TEC: variants seen among roughly 807,000 people sequenced by gnomAD.
TEC encodes the protein tec protein tyrosine kinase, also known as tyrosine-protein kinase Tec.
A neutral mutation model predicts 93.0 loss-of-function variants in TEC; 72 were observed. The observed-to-expected ratio is 0.77, with a 90% CI of 0.64 to 0.94. The LOEUF is 0.94. Among genes scored for constraint, TEC ranks in the 40% least tolerant of loss-of-function variants. The pLI is 0.00. For synonymous variants in TEC, 249 were observed against 247.7 expected (o/e 1.01, Z -0.05); for missense variants, 630 against 757.9 (o/e 0.83, Z 1.98).
At chr4:48,259,315 A>C (rs1447914203) in intron 1 of TEC, among the ~76,000 whole-genome samples, 2 of 152,188 alleles carry the variant, frequency 1.3e-5, no homozygotes, top group African/African-American at 4.8e-5. Context: ...AACCCCTGTG[A>C]CTCATGTTTG....
intron 1 of TEC, among the ~76,000 whole-genome samples, chr4:48,236,019 T>G (rs1251016485): frequency 6.6e-6 from 1 of 152,178 alleles, no homozygotes; most frequent in East Asian, 1.9e-4. Context: ...AAAAGTTTAA[T>G]GAGGTGTCAC....
In TEC at chr4:48,150,995, G is replaced by A. The variant is rs139802691; in HGVS notation, c.793-53C>T. ...TTTTACTCTAATTACTAATAGCATT[G>A]CCATGGAGAAGACTAAAGAACCTAA... On this transcript the variant is annotated intron_variant, in intron 9 of 17. Transcript: ENST00000381501. 5,658 of 1,141,896 alleles carry A rather than the reference G, an allele frequency of 5.0e-3. 31 individuals carry two copies. Among genetic ancestry groups the A allele is most frequent in the Non-Finnish European group, 5.1e-3 (4,039 of 788,744 alleles). The allele number at this position is 1,141,896 out of a possible 1,614,324, so 70.7% of individuals were successfully genotyped here.
intron 1 of TEC, among the ~76,000 whole-genome samples, chr4:48,262,976 C>T (rs1312742258): frequency 6.6e-6 from 1 of 152,208 alleles, no homozygotes; most frequent in African/African-American, 2.4e-5. Context: ...TTTGTGGAAA[C>T]TGACTCTTGT....
intron 15 of TEC, 143 bp from the exon 16 acceptor site, chr4:48,139,165 C>T (rs1335908742): frequency 1.5e-6 from 1 of 682,436 alleles, no homozygotes; most frequent in Middle Eastern, 4.1e-4. Flanking sequence ...ATGTTCACCT[C>T]AGTGGCCACA....
chr4:48,227,756 C>T (rs1004362879), intron 2 of TEC, among the ~76,000 whole-genome samples: 55 of 151,886 alleles, frequency 3.6e-4, no homozygotes, highest in African/African-American at 1.3e-3. Flanking sequence ...TCCTGGAAAC[C>T]AAGGATATTT....
intron 2 of TEC, among the ~76,000 whole-genome samples, chr4:48,195,385 A>G (rs1032897919): frequency 6.6e-5 from 10 of 152,352 alleles, no homozygotes; most frequent in Non-Finnish European, 1.3e-4. Context: ...AGAGCCCATC[A>G]TAAACCAGTA....
chr4:48,221,032 C>T (rs1315716215), intron 2 of TEC, among the ~76,000 whole-genome samples: 1 of 152,200 alleles, frequency 6.6e-6, no homozygotes, highest in East Asian at 1.9e-4. Context: ...CAAGAATTTG[C>T]TGGAACAGCT....
At chr4:48,225,867 G>A (rs745841693) in intron 2 of TEC, among the ~76,000 whole-genome samples, 121 of 152,160 alleles carry the variant, frequency 8.0e-4, no homozygotes, top group Non-Finnish European at 1.5e-3. Flanking sequence ...GCTCATCAGA[G>A]GAGTGGGGGT....
At chr4:48,231,169 T>C (rs1306502258) in intron 1 of TEC, among the ~76,000 whole-genome samples, 5 of 152,172 alleles carry the variant, frequency 3.3e-5, no homozygotes, top group African/African-American at 1.2e-4. Context: ...AGAGCCACTA[T>C]CTTAAAGGAA....
At chr4:48,197,292 C>A (rs1193131346) in intron 2 of TEC, among the ~76,000 whole-genome samples, 1 of 152,144 alleles carries the variant, frequency 6.6e-6, no homozygotes, top group African/African-American at 2.4e-5. Flanking sequence ...CACTCTGCAA[C>A]CTTGGGCAAA....
chr4:48,246,791 G>A (rs533186044), intron 1 of TEC, among the ~76,000 whole-genome samples: 1 of 152,258 alleles, frequency 6.6e-6, no homozygotes, highest in East Asian at 1.9e-4. Flanking sequence ...AACTAAAATT[G>A]TAGAACTCTT....
chr4:48,166,466 T>C (rs368614010), intron 7 of TEC, among the ~76,000 whole-genome samples: 2 of 152,168 alleles, frequency 1.3e-5, no homozygotes, highest in Non-Finnish European at 2.9e-5. Flanking sequence ...CTACAGACGA[T>C]CTTATTTAAA....
At chr4:48,137,546 C>G (rs373673064) in intron 17 of TEC, 47 bp from the exon 18 acceptor site, 1 of 1,517,670 alleles carries the variant, frequency 6.6e-7, no homozygotes, top group East Asian at 2.3e-5. Flanking sequence ...GAATCCATTC[C>G]ACAAAACCTC....
intron 2 of TEC, among the ~76,000 whole-genome samples, chr4:48,198,521 T>C (rs1722381057): frequency 6.6e-6 from 1 of 152,226 alleles, no homozygotes. Flanking sequence ...CCAACTCCTT[T>C]TCCCTGTCAT....
chr4:48,185,161 T>C (rs1357398305), intron 2 of TEC, among the ~76,000 whole-genome samples: 2 of 152,180 alleles, frequency 1.3e-5, no homozygotes, highest in Non-Finnish European at 2.9e-5. Flanking sequence ...GGTGAGTCAA[T>C]AGTGAAAGAC....
intron 1 of TEC, among the ~76,000 whole-genome samples, chr4:48,253,052 A>T (rs1244871958): frequency 1.3e-5 from 2 of 152,230 alleles, no homozygotes; most frequent in Non-Finnish European, 2.9e-5. Context: ...ATTTGATCAT[A>T]GAACTTACTC....
At chr4:48,169,776 G>T (rs1721026011) in intron 5 of TEC, among the ~76,000 whole-genome samples, 1 of 152,146 alleles carries the variant, frequency 6.6e-6, no homozygotes, top group African/African-American at 2.4e-5. Flanking sequence ...CTTAGACATT[G>T]TTCATCTCAA....
intron 2 of TEC, among the ~76,000 whole-genome samples, chr4:48,186,755 G>A (rs572490239): frequency 4.6e-5 from 7 of 151,276 alleles, no homozygotes; most frequent in African/African-American, 1.5e-4. Context: ...CGCCCCGTCC[G>A]GGAGGGAGGT....
chr4:48,254,545 T>C (rs923703729), intron 1 of TEC, among the ~76,000 whole-genome samples: 4 of 151,746 alleles, frequency 2.6e-5, no homozygotes, highest in African/African-American at 9.7e-5. Flanking sequence ...GGCTTGAGAG[T>C]ACATAGAAAG....
Sources: allele counts gnomAD v4.1 joint callset (sites outside exome capture counted in the v4.1 genomes callset), GRCh38; gene constraint gnomAD v4.1.1; transcripts MANE v1.5; gene names NCBI Gene and HGNC (gene_info 2026-07-23, HGNC 2026-07-21).